The following EIF4EBP3 variants were observed in gnomAD, a reference collection of about 807,000 sequenced individuals.
EIF4EBP3 encodes the protein eukaryotic translation initiation factor 4E binding protein 3, also known as eukaryotic translation initiation factor 4E-binding protein 3.
In EIF4EBP3, 11 loss-of-function variants were observed where a neutral mutation model predicts 12.1. The ratio of observed to expected loss-of-function variants is 0.91; its 90% CI spans 0.57 to 1.51. The LOEUF is 1.51. Ranked by LOEUF, EIF4EBP3 falls within the 40% of genes most tolerant of loss-of-function variation. The pLI is 0.00. For synonymous variants in EIF4EBP3, 43 were observed against 54.2 expected (o/e 0.79, Z 0.91); for missense variants, 136 against 131.8 (o/e 1.03, Z -0.16).
At chr5:140,548,776 GAT>G in intron 1 of EIF4EBP3, 128 bp from the exon 2 acceptor site, 2 of 1,302,326 alleles carry the variant, frequency 1.5e-6, no homozygotes, top group Non-Finnish European at 2.1e-6. Context: ...CTTCAGAGCC[GAT>G]GTCCTTTGAT....
rs78387298 is a variant in EIF4EBP3 at position 140,549,100 on chromosome 5, T to C, written c.274+24T>C. On this transcript the variant is annotated intron_variant, in intron 2 of 2. Coordinates refer to ENST00000310331, the MANE Select transcript of EIF4EBP3 (RefSeq NM_003732.3). ...CGGTAAGGAAAGCAGGAATTAAGAATTGTCCCAGCCTTTGAGTTCAAATGC... is the reference window on the plus strand; with the variant it reads ...CGGTAAGGAAAGCAGGAATTAAGAACTGTCCCAGCCTTTGAGTTCAAATGC... 405 of 1,613,914 alleles carry C rather than the reference T, an allele frequency of 2.5e-4. 1 individual carries two copies. In the African/African-American group the frequency reaches 4.9e-3, roughly 19 times the overall value.
chr5:140,548,229 T>C (rs1449677051), intron 1 of EIF4EBP3, among the ~76,000 whole-genome samples: 1 of 152,214 alleles, frequency 6.6e-6, no homozygotes, highest in Non-Finnish European at 1.5e-5. Context: ...TGCTCCGTTT[T>C]TGTGCTGCTG....
At position 140,549,259 on chromosome 5, in the gene EIF4EBP3, C is replaced by T. The variant is rs1458067029; in HGVS notation, c.300C>T (p.Ile100=). The change falls in exon 3 of 3, where the codon ATC becomes ATT. Residue 100 remains isoleucine (I), a synonymous_variant. Transcript: ENST00000310331. ...ATGACGCACAATTTGAAATGGACAT[C>T]TAATCCAGTGCAGATGACCTGGCAT... ...IPDDAQFEMD[I] 2 of 1,614,216 alleles carry T rather than the reference C, an allele frequency of 1.2e-6. No homozygotes were observed. The highest frequency in any genetic ancestry group is 3.3e-5 in the Admixed American group (2 of 60,034).
chr5:140,548,427 G>A (rs1754436239), intron 1 of EIF4EBP3, among the ~76,000 whole-genome samples: 1 of 152,218 alleles, frequency 6.6e-6, no homozygotes, highest in Non-Finnish European at 1.5e-5. Context: ...GATTAGAACA[G>A]TACGTTTCTC....
At chr5:140,548,220 G>C (rs1361000114) in intron 1 of EIF4EBP3, among the ~76,000 whole-genome samples, 1 of 152,236 alleles carries the variant, frequency 6.6e-6, no homozygotes, top group Admixed American at 6.5e-5. Context: ...TGGGGCAGTT[G>C]CTCCGTTTTT....
chr5:140,549,131 T>C (rs1754466686), intron 2 of EIF4EBP3, 55 bp downstream of exon 2: 1 of 1,614,004 alleles, frequency 6.2e-7, no homozygotes, highest in African/African-American at 1.3e-5. Context: ...AATGCCACTG[T>C]GACACAGTGC....
intron 1 of EIF4EBP3, 73 bp from the exon 2 acceptor site, chr5:140,548,833 G>A: frequency 6.5e-7 from 1 of 1,533,614 alleles, no homozygotes; most frequent in Non-Finnish European, 8.8e-7. Flanking sequence ...GCCCCAAAAG[G>A]CCTGAGTCTG....
At chr5:140,549,114 GA>G in intron 2 of EIF4EBP3, 38 bp downstream of exon 2, 1 of 1,613,880 alleles carries the variant, frequency 6.2e-7, no homozygotes, top group South Asian at 1.1e-5. Context: ...CCCAGCCTTT[GA>G]GTTCAAATGC....
rs369978640 is a variant in EIF4EBP3 at position 140,549,222 on chromosome 5, T to C, written c.275-12T>C. 7.7e-5 allele frequency: 124 copies of C among 1,614,198 alleles called. No individual in the cohort carries two copies. Among genetic ancestry groups the C allele is most frequent in the Admixed American group, 2.0e-4 (12 of 60,022 alleles). On this transcript the variant is annotated splice_polypyrimidine_tract_variant and intron_variant, in intron 2 of 2. Coordinates refer to ENST00000310331, the MANE Select transcript of EIF4EBP3 (RefSeq NM_003732.3). ...GACCAGCAACCTGTCTTCCTGCCTT[T>C]TCTCTCTCCAGATGACGCACAATTT...
intron 1 of EIF4EBP3, 40 bp downstream of exon 1, chr5:140,547,880 T>A (rs1034463114): frequency 1.4e-6 from 2 of 1,392,154 alleles, no homozygotes; most frequent in African/African-American, 3.0e-5. Context: ...TGCGGACATA[T>A]TAGCGCGTGC....
chr5:140,548,941 G>A lies in EIF4EBP3; in HGVS notation c.139G>A (p.Glu47Lys), dbSNP rs1561853549. Residue 47 changes from glutamate to lysine, a missense_variant, in exon 2 of 3, where the codon GAG (glutamate) becomes AAG (lysine). Coordinates refer to ENST00000310331, the MANE Select transcript of EIF4EBP3 (RefSeq NM_003732.3). Reference sequence around the variant, plus strand: ...CATCTACGACCGAAAGTTCCTGCTGGAGTGCAAGAACTCACCCATTGCCCG... The same window carrying A: ...CATCTACGACCGAAAGTTCCTGCTGAAGTGCAAGAACTCACCCATTGCCCG... ...RIIYDRKFLL[E>K]CKNSPIARTP... is the part of the protein sequence containing the mutation. 3.7e-6 allele frequency: 6 copies of A among 1,613,964 alleles called. 1 individual carries two copies. The highest frequency in any genetic ancestry group is 1.6e-4 in the Middle Eastern group (1 of 6,062).
chr5:140,548,871 T>C (rs1197258137), intron 1 of EIF4EBP3, 35 bp from the exon 2 acceptor site: 1 of 1,591,510 alleles, frequency 6.3e-7, no homozygotes, highest in African/African-American at 1.3e-5. Context: ...GTACCCAAGC[T>C]CCTGACTCTT....
chr5:140,547,928 T>A, intron 1 of EIF4EBP3, 88 bp downstream of exon 1: 1 of 1,100,500 alleles, frequency 9.1e-7, no homozygotes, highest in Non-Finnish European at 1.2e-6. Flanking sequence ...GGGACAGACC[T>A]AAGACTTGTC....
In EIF4EBP3 at chr5:140,549,161, G is replaced by A. The variant is rs1238336771; in HGVS notation, c.275-73G>A. On this transcript the variant is annotated intron_variant, in intron 2 of 2. Transcript: ENST00000310331. Reference sequence around the variant, plus strand: ...CAGTGCGGGGGTTCAGTTCCAAGAGGGGTTTCTGCACTGATGCTGAGCCTG... The same window carrying A: ...CAGTGCGGGGGTTCAGTTCCAAGAGAGGTTTCTGCACTGATGCTGAGCCTG... 13 of 1,614,032 alleles carry A rather than the reference G, an allele frequency of 8.1e-6. No individual in the cohort carries two copies. The East Asian group carries it at 1.6e-4, about 19-fold the overall frequency.
Position 140,549,369 on chromosome 5 carries a change from T to C in EIF4EBP3, c.*107T>C, listed in dbSNP as rs1754474134. ...AAAGGCCAGCTGGCCTCATCTAATC[T>C]GGAAGGGAGTGACTTGTTAGTTCCA... On this transcript the variant is annotated 3_prime_UTR_variant, in exon 3 of 3. Coordinates refer to ENST00000310331, the MANE Select transcript of EIF4EBP3 (RefSeq NM_003732.3). 1.3e-6 allele frequency: 2 copies of C among 1,579,422 alleles called. No individual in the cohort carries two copies. Among genetic ancestry groups the C allele is most frequent in the South Asian group, 1.1e-5 (1 of 90,134 alleles).
chr5:140,548,110 C>G (rs1380845539), intron 1 of EIF4EBP3, among the ~76,000 whole-genome samples: 1 of 152,228 alleles, frequency 6.6e-6, no homozygotes, highest in Non-Finnish European at 1.5e-5. Flanking sequence ...CTCCTTACCC[C>G]TCGCGACTTT....
At position 140,549,039 on chromosome 5, in the gene EIF4EBP3, G is replaced by A. The variant is rs1446645449; in HGVS notation, c.237G>A (p.Glu79=). ...TPPTAPLSKL[E]ELKEQETEEE... is the part of the protein sequence containing the mutation. ...CAACAGCCCCTCTCTCCAAGCTGGA[G>A]GAGCTGAAGGAGCAGGAGACAGAGG... is the stretch of plus-strand genomic sequence containing the variant. The change falls in exon 2 of 3, where the codon GAG becomes GAA. Residue 79 remains glutamate (E), a synonymous_variant. Coordinates refer to ENST00000310331, the MANE Select transcript of EIF4EBP3 (RefSeq NM_003732.3). 1.2e-6 allele frequency: 2 copies of A among 1,612,136 alleles called. No homozygotes were observed. Among genetic ancestry groups the A allele is most frequent in the Non-Finnish European group, 1.7e-6 (2 of 1,178,158 alleles).
rs576632129 is a variant in EIF4EBP3, at chr5:140,549,095, A to G, written c.274+19A>G. 8.7e-6 allele frequency: 14 copies of G among 1,614,012 alleles called. No homozygotes were observed. The highest frequency in any genetic ancestry group is 1.6e-4 in the Middle Eastern group (1 of 6,062). On this transcript the variant is annotated intron_variant, in intron 2 of 2. Transcript: ENST00000310331. ...ATACCCGGTAAGGAAAGCAGGAATT[A>G]AGAATTGTCCCAGCCTTTGAGTTCA...
chr5:140,549,327 C>G lies in EIF4EBP3; in HGVS notation c.*65C>G. Reference sequence around the variant, plus strand: ...TCCCTCATGCCACTGCTGCCACCACCTCTTCCTGGGGCATCCAAAGGCCAG... The same window carrying G: ...TCCCTCATGCCACTGCTGCCACCACGTCTTCCTGGGGCATCCAAAGGCCAG... On this transcript the variant is annotated 3_prime_UTR_variant, in exon 3 of 3. Coordinates refer to ENST00000310331, the MANE Select transcript of EIF4EBP3 (RefSeq NM_003732.3). 1 of 1,613,598 alleles carries G rather than the reference C, an allele frequency of 6.2e-7. No individual in the cohort carries two copies. Among genetic ancestry groups the G allele is most frequent in the Non-Finnish European group, 8.5e-7 (1 of 1,179,554 alleles).
Sources: allele counts gnomAD v4.1 joint callset (sites outside exome capture counted in the v4.1 genomes callset), GRCh38; gene constraint gnomAD v4.1.1; transcripts MANE v1.5; gene names NCBI Gene and HGNC (gene_info 2026-07-23, HGNC 2026-07-21).